Variants in RBM44 observed in about 807,000 individuals in gnomAD.
RBM44 encodes RNA-binding protein 44.
RBM44 carries 66 observed loss-of-function variants against 105.1 expected under a neutral mutation model. That is an observed-to-expected ratio of 0.63 (90% CI 0.52 to 0.77). RBM44 has a LOEUF of 0.77. Ranked by LOEUF, RBM44 falls within the 30% of genes least tolerant of loss-of-function variation. The pLI, the probability that RBM44 is intolerant of heterozygous loss-of-function variation, is 0.00. For missense variants in RBM44, 1,122 were observed against 1,207.8 expected (o/e 0.93, Z 1.05); for synonymous variants, 365 against 417.6 (o/e 0.87, Z 1.54).
intron 2 of RBM44, among the ~76,000 whole-genome samples, chr2:237,815,803 T>TGTG (rs2061708888): frequency 6.6e-6 from 1 of 152,150 alleles, no homozygotes; most frequent in East Asian, 1.9e-4. Context: ...ACATGTCAGT[T>TGTG]GTGGAACTTT....
chr2:237,818,255 A>G lies in RBM44; in HGVS notation c.1336A>G (p.Ile446Val), dbSNP rs1559913069. The G allele has an allele frequency of 6.2e-7, 1 of 1,613,198 alleles. No individual in the cohort carries two copies. The highest frequency in any genetic ancestry group is 8.5e-7 in the Non-Finnish European group (1 of 1,179,422). ...CACAAAGAAAACATGCTTTCACAAT[A>G]TAGGAGAAATGTGTACTAAATCATT... ...STTKKTCFHN[I>V]GEMCTKSLTD... The change falls in exon 3 of 16, where the codon ATA becomes GTA. Residue 446 changes from isoleucine to valine, a missense_variant. Physicochemically the swap from Ile to Val is conservative, Grantham distance 29 (BLOSUM62 3). Coordinates refer to ENST00000316997, the MANE Select transcript of RBM44 (RefSeq NM_001080504.3). This position sits in a 1 kb window ranked among gnomAD's most constrained non-coding sequence, Gnocchi z 4.6.
intron 14 of RBM44, 62 bp from the exon 15 acceptor site, chr2:237,834,216 T>C: frequency 1.3e-6 from 2 of 1,528,144 alleles, no homozygotes; most frequent in South Asian, 1.2e-5. Context: ...ATAACTTAGA[T>C]ATATTCAGAA....
rs1265048999 is a variant in RBM44 at position 237,829,346 on chromosome 2, A to C, written c.2730A>C (p.Pro910=). The change falls in exon 13 of 16, where the codon CCA becomes CCC. Residue 910 remains proline, a synonymous_variant. Transcript: ENST00000316997. Reference sequence around the variant, plus strand: ...AAATTCTTGGAGAATATACATCACCACTTTCCTCCAAAAATGGGAATAGAA... The same window carrying C: ...AAATTCTTGGAGAATATACATCACCCCTTTCCTCCAAAAATGGGAATAGAA... The part of the protein sequence containing the change: ...PVKILGEYTS[P]LSSKNGNRIS... 2 of 1,613,524 alleles carry C rather than the reference A, an allele frequency of 1.2e-6. No homozygotes were observed. The highest frequency in any genetic ancestry group is 1.7e-6 in the Non-Finnish European group (2 of 1,179,652).
intron 12 of RBM44, 52 bp downstream of exon 12, chr2:237,827,555 C>T: frequency 9.5e-7 from 1 of 1,050,134 alleles, no homozygotes; most frequent in South Asian, 1.4e-5. Flanking sequence ...TGCTGTTTGC[C>T]AAAGGTTCTA....
chr2:237,833,976 A>C lies in RBM44; in HGVS notation c.2887-21A>C, dbSNP rs73086785. The C allele has an allele frequency of 6.5e-3, 9,425 of 1,447,186 alleles. 453 individuals are homozygous for C. The African/African-American group carries it at 0.11, about 17-fold the overall frequency. 89.6% of individuals were successfully genotyped at this position (1,447,186 alleles called of 1,614,324 possible). ...AATGGTCCTTACTGATTTTAAGAAAACTTTTTAAATGCTTATTTAGGGTGT... is the reference window on the plus strand; with the variant it reads ...AATGGTCCTTACTGATTTTAAGAAACCTTTTTAAATGCTTATTTAGGGTGT... On this transcript the variant is annotated intron_variant, in intron 13 of 15. Transcript: ENST00000316997.
At chr2:237,800,727 C>CTTT (rs200312897) in intron 1 of RBM44, among the ~76,000 whole-genome samples, 1 of 137,298 alleles carries the variant, frequency 7.3e-6, no homozygotes, top group Non-Finnish European at 1.6e-5. Flanking sequence ...ACTCTCAATC[C>CTTT]TTTTTTTTTT....
intron 1 of RBM44, among the ~76,000 whole-genome samples, chr2:237,806,552 A>T (rs2061600894): frequency 1.3e-5 from 2 of 152,230 alleles, no homozygotes; most frequent in Non-Finnish European, 2.9e-5. Flanking sequence ...CTGGAAGCAC[A>T]TTGCAGACCA....
chr2:237,816,086 C>T (rs2061711695), intron 2 of RBM44, among the ~76,000 whole-genome samples: 1 of 152,164 alleles, frequency 6.6e-6, no homozygotes, highest in Non-Finnish European at 1.5e-5. Context: ...CCTGAAAATG[C>T]CATGTTCTTT....
Position 237,818,974 on chromosome 2 carries a change from T to C in RBM44, c.1736+15T>C, listed in dbSNP as rs1252829752. ...CATCCTGAGAGGTACATCATTTATA[T>C]ATGCTTACAGATACATCTGGAAGAA... is the stretch of plus-strand genomic sequence containing the variant. On this transcript the variant is annotated intron_variant, in intron 4 of 15. Transcript: ENST00000316997. This position sits in a 1 kb window ranked among gnomAD's most constrained non-coding sequence, Gnocchi z 4.6. The C allele has an allele frequency of 2.2e-6, 3 of 1,340,338 alleles. No individual in the cohort carries two copies. Among genetic ancestry groups the C allele is most frequent in the Non-Finnish European group, 3.1e-6 (3 of 966,874 alleles). The allele number at this position is 1,340,338 out of a possible 1,614,324, so 83.0% of individuals were successfully genotyped here. A position where few individuals can be genotyped will look rare whatever the true frequency, so the allele number is the denominator to read the frequency against.
chr2:237,823,431 A>G lies in RBM44; in HGVS notation c.2206-9A>G. 1 of 1,226,638 alleles carries G rather than the reference A, an allele frequency of 8.2e-7. No individual in the cohort carries two copies. Among genetic ancestry groups the G allele is most frequent in the East Asian group, 2.6e-5 (1 of 39,164 alleles). The allele number at this position is 1,226,638 out of a possible 1,614,324, so 76.0% of individuals were successfully genotyped here. A position where few individuals can be genotyped will look rare whatever the true frequency, so the allele number is the denominator to read the frequency against. On this transcript the variant is annotated splice_polypyrimidine_tract_variant and intron_variant, in intron 8 of 15. Transcript: ENST00000316997. Reference sequence around the variant, plus strand: ...CCTTATTTATTGTTTTTATTATCTTAATCCTCAGATGTCTTTATCATCTGA... The same window carrying G: ...CCTTATTTATTGTTTTTATTATCTTGATCCTCAGATGTCTTTATCATCTGA...
chr2:237,838,413 G>A (rs2061979885), intron 15 of RBM44, among the ~76,000 whole-genome samples: 1 of 152,140 alleles, frequency 6.6e-6, no homozygotes, highest in Admixed American at 6.5e-5. Context: ...GGGGAAAAAA[G>A]TGATTTTAAA....
chr2:237,808,678 T>C (rs2061624197), intron 1 of RBM44, among the ~76,000 whole-genome samples: 1 of 152,090 alleles, frequency 6.6e-6, no homozygotes. Flanking sequence ...ATGTGACAGA[T>C]ACAGTGAAAA....
chr2:237,806,343 T>A (rs981978546), intron 1 of RBM44, among the ~76,000 whole-genome samples: 3 of 152,226 alleles, frequency 2.0e-5, no homozygotes, highest in African/African-American at 7.2e-5. Context: ...TTAACTTTTA[T>A]CTATTCATCT....
At position 237,818,749 on chromosome 2, in the gene RBM44, TA is replaced by T. The variant is rs376923453; in HGVS notation, c.1678-142del. 1.7e-4 allele frequency among the ~76,000 whole-genome samples: 25 copies of T among 148,072 alleles called. No homozygotes were observed. Among genetic ancestry groups the T allele is most frequent in the Admixed American group, 2.0e-4 (3 of 14,840 alleles). On this transcript the variant is annotated intron_variant, in intron 3 of 15. Coordinates refer to ENST00000316997, the MANE Select transcript of RBM44 (RefSeq NM_001080504.3). This position sits in a 1 kb window ranked among gnomAD's most constrained non-coding sequence, Gnocchi z 4.6. ...AAAGGGAGTAAATTAAAAAGTAAAT[TA>T]AAAAAAAAAGACGTGTAAATTACCA...
rs1396100027 is a variant in RBM44, at chr2:237,841,271, T to TATGGATGG, written c.*23-566_*23-559dup. Among the ~76,000 whole-genome samples, 1 of 152,192 alleles carries TATGGATGG rather than the reference T, an allele frequency of 6.6e-6. No individual in the cohort carries two copies. The highest frequency in any genetic ancestry group is 1.9e-4 in the East Asian group (1 of 5,198). ...AATGAGATGATGTGCTTTGCAGCAG[T>TATGGATGG]ATGGATGGAGCTAGAGGCCGTTATC... is the stretch of plus-strand genomic sequence containing the variant. On this transcript the variant is annotated intron_variant, in intron 15 of 15. Coordinates refer to ENST00000316997, the MANE Select transcript of RBM44 (RefSeq NM_001080504.3). This position sits in a 1 kb window ranked among gnomAD's most constrained non-coding sequence, Gnocchi z 4.5.
Position 237,824,250 on chromosome 2 carries a change from C to T in RBM44, c.2321-41C>T, listed in dbSNP as rs193015029. On this transcript the variant is annotated intron_variant, in intron 9 of 15. Coordinates refer to ENST00000316997, the MANE Select transcript of RBM44 (RefSeq NM_001080504.3). The stretch of plus-strand genomic sequence containing the variant: ...TAAGGTAACTTTTCAGTGTGTTGGA[C>T]GTTACGTGTCATTCATAGCTCACTG... 5.7e-5 allele frequency: 91 copies of T among 1,605,412 alleles called. No individual in the cohort carries two copies. The Middle Eastern group carries it at 1.3e-3, about 23-fold the overall frequency.
intron 1 of RBM44, among the ~76,000 whole-genome samples, chr2:237,807,231 C>T (rs1413824943): frequency 6.6e-6 from 1 of 152,184 alleles, no homozygotes; most frequent in Non-Finnish European, 1.5e-5. Flanking sequence ...TCACTGCAAC[C>T]TCTACCTCCC....
rs372770583 is a variant in RBM44 at position 237,834,230 on chromosome 2, A to G, written c.3033-48A>G. On this transcript the variant is annotated intron_variant, in intron 14 of 15. Coordinates refer to ENST00000316997, the MANE Select transcript of RBM44 (RefSeq NM_001080504.3). ...AATAACTTAGATATATTCAGAATGT[A>G]TTCCTTTGGAAAAGACAAATACTCA... The G allele has an allele frequency of 5.2e-6, 8 of 1,536,080 alleles. No homozygotes were observed. The Admixed American group carries it at 1.3e-4, about 24-fold the overall frequency.
In RBM44 at chr2:237,842,066, T is replaced by C. The variant is rs899647866; in HGVS notation, c.*250T>C. ...ATATAATTTTTAATAAGTTTTTAAA[T>C]TTTTTTATTTCAATTTTGTTACTTA... is the stretch of plus-strand genomic sequence containing the variant. On this transcript the variant is annotated 3_prime_UTR_variant, in exon 16 of 16. Transcript: ENST00000316997. The C allele has an allele frequency of 6.6e-6, 1 of 152,066 alleles. No individual in the cohort carries two copies. Among genetic ancestry groups the C allele is most frequent in the East Asian group, 1.9e-4 (1 of 5,202 alleles). 9.4% of individuals were successfully genotyped at this position (152,066 alleles called of 1,614,324 possible). A position where few individuals can be genotyped will look rare whatever the true frequency, so the allele number is the denominator to read the frequency against.
Sources: gnomAD v4.1 joint callset for allele counts (sites outside exome capture counted in the v4.1 genomes callset) on GRCh38, gnomAD v4.1.1 for gene constraint, Gnocchi (gnomAD v3.1) non-coding constraint, MANE v1.5 for transcripts, NCBI Gene and HGNC (gene_info 2026-07-23, HGNC 2026-07-21) for gene names.